The following DNAJC10 variants were observed in gnomAD, a reference collection of about 807,000 sequenced individuals.
DNAJC10 encodes endoplasmic reticulum disulfide reductase DNAJC10.
Under a neutral mutation model 115.0 loss-of-function variants are expected in DNAJC10, and 101 were observed. That is an observed-to-expected ratio of 0.88 (90% CI 0.75 to 1.04). The LOEUF (loss-of-function observed/expected upper bound fraction) is 1.04, where lower values mean the gene tolerates loss of function less well. Ranked by LOEUF, DNAJC10 falls within the 50% of genes least tolerant of loss-of-function variation. The pLI is 0.00. For synonymous variants in DNAJC10, 307 were observed against 301.5 expected (o/e 1.02, Z -0.19); for missense variants, 981 against 928.8 (o/e 1.06, Z -0.73).
intron 12 of DNAJC10, 58 bp from the exon 13 acceptor site, chr2:182,741,185 G>T (rs1314462589): frequency 4.2e-6 from 5 of 1,179,242 alleles, no homozygotes; most frequent in African/African-American, 1.6e-5. Flanking sequence ...TAGAAATGAA[G>T]ATTAGAACCC....
chr2:182,773,425 T>C (rs1694618918), intron 22 of DNAJC10, among the ~76,000 whole-genome samples: 2 of 152,210 alleles, frequency 1.3e-5, no homozygotes, highest in Admixed American at 6.5e-5. Flanking sequence ...GAAGAGTGTT[T>C]TCCAACTTGG....
rs558278562 is a variant in DNAJC10, at chr2:182,781,109, C to T, written c.*3977C>T. 6.6e-6 allele frequency: 1 copy of T among 152,172 alleles called. No homozygotes were observed. Among genetic ancestry groups the T allele is most frequent in the African/African-American group, 2.4e-5 (1 of 41,490 alleles). 9.4% of individuals were successfully genotyped at this position (152,172 alleles called of 1,614,324 possible). A position where few individuals can be genotyped will look rare whatever the true frequency, so the allele number is the denominator to read the frequency against. On this transcript the variant is annotated 3_prime_UTR_variant, in exon 24 of 24. Coordinates refer to ENST00000264065, the MANE Select transcript of DNAJC10 (RefSeq NM_018981.4). ...ATTAGCTATTTCTTCTAATGTTGTC[C>T]TTCCCCTTGCCCCCTACCCCGCCGA...
Position 182,759,242 on chromosome 2 carries a change from G to T in DNAJC10, c.2080G>T (p.Asp694Tyr). ...VLQGKNHWVI[D>Y]FYAPWCGPCQ... ...ACAAGGGAAAAATCATTGGGTGATT[G>T]ATTTCTATGCTCCTTGGTGTGGACC... The change falls in exon 21 of 24, where the codon GAT becomes TAT. Residue 694 changes from aspartate to tyrosine, a missense_variant. Transcript: ENST00000264065. The T allele has an allele frequency of 6.2e-6, 10 of 1,612,084 alleles. No homozygotes were observed. The highest frequency in any genetic ancestry group is 8.5e-6 in the Non-Finnish European group (10 of 1,179,544).
At chr2:182,776,748 G>A (rs548020670) in intron 23 of DNAJC10, among the ~76,000 whole-genome samples, 6 of 152,124 alleles carry the variant, frequency 3.9e-5, no homozygotes, top group South Asian at 2.1e-4. Flanking sequence ...CTAGTGTTTC[G>A]CTATATTAGT....
In DNAJC10 at chr2:182,744,192, A is replaced by G. The variant is rs544479285; in HGVS notation, c.1306+480A>G. On this transcript the variant is annotated intron_variant, in intron 14 of 23. Transcript: ENST00000264065. ...TCTGCATTCATGTGAGTGCAGTCTC[A>G]ATTCCAAGAGTTTGGACTACAGCAG... Among the ~76,000 whole-genome samples the G allele has an allele frequency of 1.1e-3, 172 of 152,324 alleles. 1 individual carries two copies. The highest frequency in any genetic ancestry group is 3.4e-3 in the Middle Eastern group (1 of 294).
intron 14 of DNAJC10, among the ~76,000 whole-genome samples, chr2:182,747,454 G>A (rs1315011034): frequency 1.7e-5 from 2 of 115,530 alleles, no homozygotes; most frequent in African/African-American, 3.8e-5. Flanking sequence ...CACATCCCTT[G>A]TAAGTTGGAT....
intron 17 of DNAJC10, among the ~76,000 whole-genome samples, chr2:182,755,861 T>C (rs890668247): frequency 6.6e-6 from 1 of 152,200 alleles, no homozygotes; most frequent in African/African-American, 2.4e-5. Context: ...ATGCAGAAAC[T>C]TAAAGTTGCC....
rs541842508 is a variant in DNAJC10, at chr2:182,728,094, C to T, written c.419-482C>T. 9.2e-5 allele frequency among the ~76,000 whole-genome samples: 14 copies of T among 152,236 alleles called. 1 individual carries two copies. The highest frequency in any genetic ancestry group is 3.4e-4 in the African/African-American group (14 of 41,544). On this transcript the variant is annotated intron_variant, in intron 5 of 23. Coordinates refer to ENST00000264065, the MANE Select transcript of DNAJC10 (RefSeq NM_018981.4). ...TATTATGTAGGTCTCTTATTTTATTCTTTCAGAGTTTACAGTAGCTGTCAG... is the reference window on the plus strand; with the variant it reads ...TATTATGTAGGTCTCTTATTTTATTTTTTCAGAGTTTACAGTAGCTGTCAG...
intron 7 of DNAJC10, 72 bp from the exon 8 acceptor site, chr2:182,729,776 C>G (rs1231676677): frequency 4.1e-6 from 4 of 967,602 alleles, no homozygotes; most frequent in Non-Finnish European, 6.3e-6. Context: ...AAATCAAACT[C>G]TTTGGTATTA....
chr2:182,739,469 T>C (rs1432890311), intron 11 of DNAJC10: 3 of 1,030,236 alleles, frequency 2.9e-6, no homozygotes, highest in Non-Finnish European at 3.7e-6. Context: ...ATTAAAGACA[T>C]ATATTAAACT....
intron 4 of DNAJC10, among the ~76,000 whole-genome samples, chr2:182,721,460 C>A (rs1693148264): frequency 6.6e-6 from 1 of 152,022 alleles, no homozygotes; most frequent in Non-Finnish European, 1.5e-5. Context: ...CCCACAAAGC[C>A]TAAAAAATGT....
At position 182,728,971 on chromosome 2, in the gene DNAJC10, C is replaced by G. The variant is rs1489259624; in HGVS notation, c.610C>G (p.Leu204Val). The G allele has an allele frequency of 6.2e-7, 1 of 1,613,944 alleles. No individual in the cohort carries two copies. Among genetic ancestry groups the G allele is most frequent in the South Asian group, 1.1e-5 (1 of 91,078 alleles). ...GAAAGGAGTCAACAGCTATCCCAGC[C>G]TCTTCATTTTTCGGTCTGGAATGGT... is the stretch of plus-strand genomic sequence containing the variant. ...RMKGVNSYPS[L>V]FIFRSGMAPV... Residue 204 changes from leucine to valine, a missense_variant, in exon 7 of 24, where the codon CTC becomes GTC. By Grantham distance (32) the Leu-to-Val change is conservative. Coordinates refer to ENST00000264065, the MANE Select transcript of DNAJC10 (RefSeq NM_018981.4).
chr2:182,758,002 T>C (rs1694200369), intron 19 of DNAJC10, among the ~76,000 whole-genome samples, 177 bp downstream of exon 19: 1 of 152,158 alleles, frequency 6.6e-6, no homozygotes, highest in South Asian at 2.1e-4. Flanking sequence ...TTGAACAGTC[T>C]CACTGTGCAT....
chr2:182,756,933 C>G (rs566621931), intron 18 of DNAJC10, among the ~76,000 whole-genome samples: 51 of 152,278 alleles, frequency 3.3e-4, no homozygotes, highest in African/African-American at 1.2e-3. Flanking sequence ...GCCTCCGTGC[C>G]CAGTATATCC....
At chr2:182,770,649 A>G (rs916604396) in intron 22 of DNAJC10, among the ~76,000 whole-genome samples, 3 of 152,168 alleles carry the variant, frequency 2.0e-5, no homozygotes, top group African/African-American at 4.8e-5. Context: ...ATTTTTGCAC[A>G]TTGATTTTGT....
rs1015058863 is a variant in DNAJC10 at position 182,784,340 on chromosome 2, CAAAA to C, written c.*7213_*7216del. ...CCCTGTCTAAAAAAAAACAAAACAACAAAAAAAATCATTTTGTTGGTATTTTATA... is the reference window on the plus strand; with the variant it reads ...CCCTGTCTAAAAAAAAACAAAACAACAAAATCATTTTGTTGGTATTTTATA... On this transcript the variant is annotated 3_prime_UTR_variant, in exon 24 of 24. Transcript: ENST00000264065. The C allele has an allele frequency of 1.3e-5, 2 of 151,618 alleles. No individual in the cohort carries two copies. The highest frequency in any genetic ancestry group is 2.9e-5 in the Non-Finnish European group (2 of 67,876). 9.4% of individuals were successfully genotyped at this position (151,618 alleles called of 1,614,324 possible).
chr2:182,742,731 A>G (rs1693767760), intron 13 of DNAJC10, among the ~76,000 whole-genome samples: 1 of 152,138 alleles, frequency 6.6e-6, no homozygotes, highest in South Asian at 2.1e-4. Context: ...TCGGGGAAAA[A>G]TACTTTTTCA....
chr2:182,747,058 T>G (rs1693886910), intron 14 of DNAJC10, among the ~76,000 whole-genome samples: 1 of 152,186 alleles, frequency 6.6e-6, no homozygotes, highest in Non-Finnish European at 1.5e-5. Context: ...CGGCGTTATT[T>G]CTGAGGGCTG....
intron 11 of DNAJC10, chr2:182,739,670 A>C: frequency 1.9e-6 from 2 of 1,061,648 alleles, no homozygotes; most frequent in Non-Finnish European, 2.3e-6. Flanking sequence ...TGTGTTTTAA[A>C]TAAGAGACTC....
Sources: gnomAD v4.1 joint callset for allele counts (sites outside exome capture counted in the v4.1 genomes callset) on GRCh38, gnomAD v4.1.1 for gene constraint, MANE v1.5 for transcripts, NCBI Gene and HGNC (gene_info 2026-07-23, HGNC 2026-07-21) for gene names.